FLRT1: variants seen among roughly 807,000 people sequenced by gnomAD.
FLRT1 encodes fibronectin leucine rich transmembrane protein 1, also known as leucine-rich repeat transmembrane protein FLRT1.
In FLRT1, 14 loss-of-function variants were observed where a neutral mutation model predicts 30.9. The observed-to-expected ratio is 0.45, with a 90% CI of 0.30 to 0.71. The LOEUF is 0.71. Among genes scored for constraint, FLRT1 ranks in the 30% least tolerant of loss-of-function variants. FLRT1 has a pLI of 0.08. For missense variants in FLRT1, 737 were observed against 949.2 expected (o/e 0.78, Z 2.94); for synonymous variants, 368 against 430.4 (o/e 0.85, Z 1.80).
chr11:64,053,294 G>C (rs912282925), intron 1 of FLRT1, among the ~76,000 whole-genome samples: 1 of 152,344 alleles, frequency 6.6e-6, no homozygotes, highest in Admixed American at 6.5e-5. Flanking sequence ...TCCTGGCTTT[G>C]AGGTTACCCT....
intron 1 of FLRT1, among the ~76,000 whole-genome samples, chr11:64,060,120 A>C (rs373612402): frequency 1.7e-4 from 26 of 152,358 alleles, no homozygotes; most frequent in African/African-American, 4.8e-4. Flanking sequence ...AATGCACCTT[A>C]CTTTGTTTAA....
chr11:64,088,050 G>A (rs933735433), intron 1 of FLRT1, among the ~76,000 whole-genome samples: 2 of 152,172 alleles, frequency 1.3e-5, no homozygotes, highest in Non-Finnish European at 2.9e-5. Flanking sequence ...CCCTGTCACT[G>A]GCTCTCTGGG....
intron 1 of FLRT1, among the ~76,000 whole-genome samples, chr11:64,094,149 T>C (rs759289880): frequency 1.3e-5 from 2 of 151,938 alleles, no homozygotes; most frequent in Non-Finnish European, 2.9e-5. Flanking sequence ...ATACAAAGCT[T>C]AGGCTGGGCG....
At chr11:64,051,747 C>T (rs770746803) in intron 1 of FLRT1, among the ~76,000 whole-genome samples, 1 of 152,148 alleles carries the variant, frequency 6.6e-6, no homozygotes, top group Non-Finnish European at 1.5e-5. Flanking sequence ...GATAGCCCTG[C>T]GGCCCAGTCC....
intron 1 of FLRT1, among the ~76,000 whole-genome samples, chr11:64,071,596 G>A (rs536350088): frequency 7.2e-5 from 11 of 152,252 alleles, no homozygotes; most frequent in Admixed American, 5.2e-4. Flanking sequence ...CCAAATGACC[G>A]CTCTTCCCAC....
In FLRT1 at chr11:64,103,407, TC is replaced by T. The variant is rs1341388952; in HGVS notation, c.-822del. The stretch of plus-strand genomic sequence containing the variant: ...CAGCTCAGCTGCATGTGTCAGCAGC[TC>T]CAGCCCCACCATGAACATCTGAACT... On this transcript the variant is annotated 5_prime_UTR_variant, in exon 2 of 3. An upstream open reading frame in the 5' UTR gains an earlier in-frame stop. Transcript: ENST00000682287. The T allele has an allele frequency of 6.6e-6, 1 of 152,084 alleles. No individual in the cohort carries two copies. The highest frequency in any genetic ancestry group is 1.9e-4 in the East Asian group (1 of 5,170). The allele number at this position is 152,084 out of a possible 1,614,324, so 9.4% of individuals were successfully genotyped here.
chr11:64,115,807 T>A (rs1590930360), intron 2 of FLRT1, among the ~76,000 whole-genome samples: 1 of 152,166 alleles, frequency 6.6e-6, no homozygotes, highest in Admixed American at 6.5e-5. Flanking sequence ...CCTAAATCCA[T>A]CCCATCCATA....
At chr11:64,072,306 C>T (rs1944124151) in intron 1 of FLRT1, among the ~76,000 whole-genome samples, 1 of 152,178 alleles carries the variant, frequency 6.6e-6, no homozygotes, top group African/African-American at 2.4e-5. Flanking sequence ...AGAACTGTAG[C>T]AGCCTGTGGC....
rs1212638787 is a variant in FLRT1, at chr11:64,036,581, A to G, written c.-1038+422A>G. 6.6e-6 allele frequency among the ~76,000 whole-genome samples: 1 copy of G among 152,088 alleles called. No homozygotes were observed. Among genetic ancestry groups the G allele is most frequent in the Non-Finnish European group, 1.5e-5 (1 of 67,980 alleles). Reference sequence around the variant, plus strand: ...GGGAACCGGAGGAGGGCGCGCGGCCAGGGACAGCCGGCCGGCCTGGGCGCC... The same window carrying G: ...GGGAACCGGAGGAGGGCGCGCGGCCGGGGACAGCCGGCCGGCCTGGGCGCC... On this transcript the variant is annotated intron_variant, in intron 1 of 2. Coordinates refer to ENST00000682287, the MANE Select transcript of FLRT1 (RefSeq NM_013280.5). The surrounding 1 kb of genome is among the most constrained non-coding windows in gnomAD (Gnocchi z 5.6).
At chr11:64,109,660 A>C (rs1273028876) in intron 2 of FLRT1, among the ~76,000 whole-genome samples, 1 of 152,094 alleles carries the variant, frequency 6.6e-6, no homozygotes, top group Non-Finnish European at 1.5e-5. Flanking sequence ...CCCTGCCCCC[A>C]GCCTGGAGGG....
intron 1 of FLRT1, among the ~76,000 whole-genome samples, chr11:64,041,697 C>T (rs569862110): frequency 2.0e-5 from 3 of 152,210 alleles, no homozygotes; most frequent in Admixed American, 6.5e-5. Flanking sequence ...GGACAAAATC[C>T]GAGGGACTGA....
At chr11:64,052,744 T>C (rs1488940516) in intron 1 of FLRT1, among the ~76,000 whole-genome samples, 3 of 152,052 alleles carry the variant, frequency 2.0e-5, no homozygotes, top group Admixed American at 6.5e-5. Flanking sequence ...CTTCTAGGGG[T>C]GGAGTTGTGA....
rs537658897 is a variant in FLRT1, at chr11:64,041,812, G to C, written c.-1038+5653G>C. ...TGGTTCAGGGAATCTGGCTGTTAGG[G>C]GGTGGGTGTCTGGCCCTAGGGACAT... On this transcript the variant is annotated intron_variant, in intron 1 of 2. Transcript: ENST00000682287. Among the ~76,000 whole-genome samples, 10 of 152,306 alleles carry C rather than the reference G, an allele frequency of 6.6e-5. No homozygotes were observed. The South Asian group carries it at 2.1e-3, about 32-fold the overall frequency.
chr11:64,090,299 GA>G lies in FLRT1; in HGVS notation c.-1037-12894del. Among the ~76,000 whole-genome samples, 1 of 152,184 alleles carries G rather than the reference GA, an allele frequency of 6.6e-6. No homozygotes were observed. The highest frequency in any genetic ancestry group is 6.5e-5 in the Admixed American group (1 of 15,272). On this transcript the variant is annotated intron_variant, in intron 1 of 2. Coordinates refer to ENST00000682287, the MANE Select transcript of FLRT1 (RefSeq NM_013280.5). This position sits in a 1 kb window ranked among gnomAD's most constrained non-coding sequence, Gnocchi z 4.7. Reference sequence around the variant, plus strand: ...ATCGTGCGTTGCTTTTCCCGTCTGGGAGTCTAATAGTCAGCAGTTATTTATC... The same window carrying G: ...ATCGTGCGTTGCTTTTCCCGTCTGGGGTCTAATAGTCAGCAGTTATTTATC...
chr11:64,051,501 C>T (rs76077089), intron 1 of FLRT1, among the ~76,000 whole-genome samples: 11 of 152,158 alleles, frequency 7.2e-5, no homozygotes, highest in East Asian at 1.9e-4. Context: ...TCGGAAGCCT[C>T]GCTCCTGGCT....
chr11:64,061,829 A>C, intron 1 of FLRT1, among the ~76,000 whole-genome samples: 1 of 145,994 alleles, frequency 6.8e-6, no homozygotes, highest in Non-Finnish European at 1.5e-5. Context: ...CTCCCACCTC[A>C]GCCTCCCAAG....
chr11:64,061,487 G>A (rs1341049605), intron 1 of FLRT1, among the ~76,000 whole-genome samples: 3 of 152,026 alleles, frequency 2.0e-5, no homozygotes, highest in African/African-American at 7.2e-5. Context: ...CTCTGACCCC[G>A]CAGTCCCCAG....
At chr11:64,084,635 C>T (rs1023122058) in intron 1 of FLRT1, among the ~76,000 whole-genome samples, 4 of 152,196 alleles carry the variant, frequency 2.6e-5, no homozygotes, top group African/African-American at 4.8e-5. Context: ...AGGGACCCAG[C>T]GCATGGCAGT....
chr11:64,081,023 CTTATT>C (rs1486378737), intron 1 of FLRT1, among the ~76,000 whole-genome samples: 2 of 152,154 alleles, frequency 1.3e-5, no homozygotes, highest in Admixed American at 6.5e-5. Flanking sequence ...GGTTACACTT[CTTATT>C]TTATTTATTT....
Sources: allele counts gnomAD v4.1 joint callset (sites outside exome capture counted in the v4.1 genomes callset), GRCh38; gene constraint gnomAD v4.1.1; non-coding constraint Gnocchi (gnomAD v3.1); transcripts MANE v1.5; gene names NCBI Gene and HGNC (gene_info 2026-07-23, HGNC 2026-07-21).